The following CCDC39 variants were observed in gnomAD, a reference collection of about 807,000 sequenced individuals.
CCDC39 encodes coiled-coil domain 39 molecular ruler complex subunit.
Under a neutral mutation model 121.0 loss-of-function variants are expected in CCDC39, and 113 were observed. That is an observed-to-expected ratio of 0.93 (90% CI 0.80 to 1.09). The LOEUF is 1.09. CCDC39 is among the 50% of genes least tolerant of loss of function. The pLI is 0.00. For synonymous variants in CCDC39, 349 were observed against 352.2 expected, an observed-to-expected ratio of 0.99 and a Z score of 0.10; for missense variants, 1,063 against 1,074.7, an observed-to-expected ratio of 0.99 and a Z score of 0.15.
At chr3:180,628,644 CT>C (rs1409943529) in intron 14 of CCDC39, among the ~76,000 whole-genome samples, 2 of 152,192 alleles carry the variant, frequency 1.3e-5, no homozygotes, top group East Asian at 3.8e-4. Context: ...GCCATTCAGT[CT>C]GTCGAAACTA....
In CCDC39 at chr3:180,659,694, C is replaced by CTG. The variant is rs1553805740; in HGVS notation, c.590_591dup (p.Glu198GlnfsTer4). On this transcript the variant is annotated frameshift_variant, in exon 5 of 20. Coordinates refer to ENST00000476379, the MANE Select transcript of CCDC39 (RefSeq NM_181426.2). LOFTEE classifies it high-confidence loss of function. ...AAACTAACCTGTGCGCTTATAGTCT[C>CTG]TGTAAGTTCGTTGTCAAGTATCTTT... 6.2e-7 allele frequency: 1 copy of CTG among 1,611,506 alleles called. No individual in the cohort carries two copies. Among genetic ancestry groups the CTG allele is most frequent in the Non-Finnish European group, 8.5e-7 (1 of 1,179,066 alleles).
intron 8 of CCDC39, 147 bp from the exon 9 acceptor site, chr3:180,651,680 C>A (rs949524782): frequency 5.9e-6 from 4 of 677,858 alleles, no homozygotes; most frequent in Non-Finnish European, 9.0e-6. Context: ...ATTTAATAGA[C>A]CATAAAAATA....
rs1560087420 is a variant in CCDC39 at position 180,644,108 on chromosome 3, A to G, written c.1665+12T>C. 6.5e-7 allele frequency: 1 copy of G among 1,533,540 alleles called. No individual in the cohort carries two copies. Among genetic ancestry groups the G allele is most frequent in the African/African-American group, 1.4e-5 (1 of 72,414 alleles). 95.0% of individuals were successfully genotyped at this position (1,533,540 alleles called of 1,614,324 possible). A position where few individuals can be genotyped will look rare whatever the true frequency, so the allele number is the denominator to read the frequency against. Reference sequence around the variant, plus strand: ...GTTTTCAATACTACATATGCATACAATTTTACTGCACCTGCTTAAAACCTT... The same window carrying G: ...GTTTTCAATACTACATATGCATACAGTTTTACTGCACCTGCTTAAAACCTT... On this transcript the variant is annotated intron_variant, in intron 12 of 19. Transcript: ENST00000476379.
intron 15 of CCDC39, 145 bp from the exon 16 acceptor site, chr3:180,619,510 A>C (rs945543580): frequency 1.1e-4 from 70 of 621,994 alleles, no homozygotes; most frequent in Non-Finnish European, 1.9e-4. Flanking sequence ...ATGGGCATGT[A>C]GTAGCCATTT....
chr3:180,648,627 T>TGGTC (rs1718130148), intron 9 of CCDC39, among the ~76,000 whole-genome samples: 1 of 152,164 alleles, frequency 6.6e-6, no homozygotes, highest in East Asian at 1.9e-4. Context: ...GCCTAGCAGT[T>TGGTC]GGTCATTCTA....
Position 180,637,112 on chromosome 3 carries a change from G to T in CCDC39, c.1874+4881C>A, listed in dbSNP as rs138646810. Among the ~76,000 whole-genome samples, 733 of 152,196 alleles carry T rather than the reference G, an allele frequency of 4.8e-3. 6 individuals are homozygous for T. The highest frequency in any genetic ancestry group is 0.017 in the African/African-American group (705 of 41,534). On this transcript the variant is annotated intron_variant, in intron 13 of 19. Coordinates refer to ENST00000476379, the MANE Select transcript of CCDC39 (RefSeq NM_181426.2). ...ATTAAAACTGAAGAGCTTCTGCACG[G>T]CAAAGTAAACTATCAACAGAGAAAA...
At chr3:180,669,751 C>G (rs1711981004) in intron 1 of CCDC39, among the ~76,000 whole-genome samples, 1 of 151,256 alleles carries the variant, frequency 6.6e-6, no homozygotes, top group African/African-American at 2.4e-5. Context: ...CTGTAATTGT[C>G]CTGTTTCACA....
chr3:180,616,222 G>T, intron 19 of CCDC39, 59 bp downstream of exon 19: 1 of 1,435,640 alleles, frequency 7.0e-7, no homozygotes, highest in South Asian at 1.2e-5. Context: ...GAAGTGGCTG[G>T]AATCACTTAG....
At chr3:180,663,792 A>T in intron 2 of CCDC39, 75 bp downstream of exon 2, 1 of 1,395,038 alleles carries the variant, frequency 7.2e-7, no homozygotes, top group Non-Finnish European at 1.0e-6. Flanking sequence ...TAGCTGTAAA[A>T]ATCGCAGATG....
At chr3:180,626,846 T>A (rs1032576851) in intron 14 of CCDC39, among the ~76,000 whole-genome samples, 16 of 152,166 alleles carry the variant, frequency 1.1e-4, no homozygotes, top group African/African-American at 3.9e-4. Flanking sequence ...CTCTCCCACC[T>A]TGGACAGGTG....
chr3:180,648,380 G>C, intron 9 of CCDC39, 21 bp from the exon 10 acceptor site: 1 of 1,389,366 alleles, frequency 7.2e-7, no homozygotes, highest in Non-Finnish European at 9.7e-7. Context: ...GAATTATAGT[G>C]ATTAATGGAA....
Position 180,654,839 on chromosome 3 carries a change from C to A in CCDC39, c.853G>T (p.Val285Leu), listed in dbSNP as rs886038751. The change falls in exon 7 of 20, where the codon GTG becomes TTG. Residue 285 changes from valine (V) to leucine (L), a missense_variant. Physicochemically the swap from Val to Leu is conservative, Grantham distance 32. Coordinates refer to ENST00000476379, the MANE Select transcript of CCDC39 (RefSeq NM_181426.2). ...CATTTTAAAAGTTTACGATCAGCCACAGAAATTCTTTTCTCAAACTCTGTG... is the reference window on the plus strand; with the variant it reads ...CATTTTAAAAGTTTACGATCAGCCAAAGAAATTCTTTTCTCAAACTCTGTG... ...NNTEFEKRIS[V>L]ADRKLLKCRT... 2 of 1,610,140 alleles carry A rather than the reference C, an allele frequency of 1.2e-6. No homozygotes were observed. Among genetic ancestry groups the A allele is most frequent in the East Asian group, 4.5e-5 (2 of 44,662 alleles).
chr3:180,664,480 A>G (rs1350122985), intron 1 of CCDC39, among the ~76,000 whole-genome samples: 1 of 152,196 alleles, frequency 6.6e-6, no homozygotes, highest in Non-Finnish European at 1.5e-5. Flanking sequence ...AAATGTCCAC[A>G]TGAACTTCTA....
At position 180,647,140 on chromosome 3, in the gene CCDC39, T is replaced by A; in HGVS notation, c.1466A>T (p.Lys489Met). ...TGTAGATTTTTTCTCTTCCAAAGAC[T>A]TCCTAAGTTCAACAATTTTTGCTTC... ...ALEAKIVELR[K>M]SLEEKKSTCG... The change falls in exon 11 of 20, where the codon AAG (lysine) becomes ATG (methionine). Residue 489 changes from lysine to methionine, a missense_variant. Transcript: ENST00000476379. 6.2e-7 allele frequency: 1 copy of A among 1,611,824 alleles called. No homozygotes were observed. The highest frequency in any genetic ancestry group is 1.1e-5 in the South Asian group (1 of 90,348).
chr3:180,651,442 T>A lies in CCDC39; in HGVS notation c.1126A>T (p.Asn376Tyr). The stretch of plus-strand genomic sequence containing the variant: ...TCCTCCTTTAGCATATCTTCCAAAT[T>A]AGTAGCTTTCTCTTCTACAGACATG... ...KTMSVEEKAT[N>Y]LEDMLKEEEK... Residue 376 changes from asparagine to tyrosine, a missense_variant, in exon 9 of 20, where the codon AAT (asparagine) becomes TAT (tyrosine). Physicochemically the swap from Asn to Tyr is moderately radical, Grantham distance 143. Transcript: ENST00000476379. The A allele has an allele frequency of 6.4e-7, 1 of 1,559,262 alleles. No individual in the cohort carries two copies. The highest frequency in any genetic ancestry group is 2.3e-5 in the East Asian group (1 of 42,630).
chr3:180,631,938 A>T (rs1717706874), intron 13 of CCDC39, among the ~76,000 whole-genome samples: 1 of 152,176 alleles, frequency 6.6e-6, no homozygotes, highest in Non-Finnish European at 1.5e-5. Context: ...CCTGTTTCAG[A>T]GACAACGGAC....
intron 6 of CCDC39, among the ~76,000 whole-genome samples, chr3:180,658,071 TA>T (rs112076929): frequency 0.039 from 5,835 of 149,372 alleles, 389 homozygotes; most frequent in African/African-American, 0.14. Context: ...CTGTCTCTAC[TA>T]AAAAAAAACT....
At chr3:180,657,042 C>T (rs1031672356) in intron 6 of CCDC39, among the ~76,000 whole-genome samples, 1 of 152,236 alleles carries the variant, frequency 6.6e-6, no homozygotes, top group Non-Finnish European at 1.5e-5. Context: ...TTCACTTTTA[C>T]TCTGTGGATT....
At position 180,619,383 on chromosome 3, in the gene CCDC39, T is replaced by G. The variant is rs778182323; in HGVS notation, c.2159-18A>C. 1 of 1,241,436 alleles carries G rather than the reference T, an allele frequency of 8.1e-7. No individual in the cohort carries two copies. Among genetic ancestry groups the G allele is most frequent in the South Asian group, 1.4e-5 (1 of 72,366 alleles). The allele number at this position is 1,241,436 out of a possible 1,614,324, so 76.9% of individuals were successfully genotyped here. A position where few individuals can be genotyped will look rare whatever the true frequency, so the allele number is the denominator to read the frequency against. ...CTCATCACCTGAAATGTAGAACATT[T>G]TTAGTTTAAAATTTCAACATACTAA... is the stretch of plus-strand genomic sequence containing the variant. On this transcript the variant is annotated intron_variant, in intron 15 of 19. Coordinates refer to ENST00000476379, the MANE Select transcript of CCDC39 (RefSeq NM_181426.2).
Sources: allele counts gnomAD v4.1 joint callset (sites outside exome capture counted in the v4.1 genomes callset), GRCh38; gene constraint gnomAD v4.1.1; transcripts MANE v1.5; gene names NCBI Gene and HGNC (gene_info 2026-07-23, HGNC 2026-07-21).